Variants in EXOC6 observed in about 807,000 individuals in gnomAD.
EXOC6 encodes the protein SEC15-like 1.
A neutral mutation model predicts 112.5 loss-of-function variants in EXOC6; 60 were observed. The observed-to-expected ratio is 0.53, with a 90% CI of 0.43 to 0.66. The LOEUF is 0.66. EXOC6 is among the 30% of genes least tolerant of loss of function. The pLI, the probability that EXOC6 is intolerant of heterozygous loss-of-function variation, is 0.00. For missense variants in EXOC6, 855 were observed against 957.1 expected, an observed-to-expected ratio of 0.89 and a Z score of 1.41; for synonymous variants, 295 against 308.0, an observed-to-expected ratio of 0.96 and a Z score of 0.44.
At chr10:92,884,200 A>G (rs1849097010) in intron 1 of EXOC6, among the ~76,000 whole-genome samples, 1 of 152,078 alleles carries the variant, frequency 6.6e-6, no homozygotes, top group Admixed American at 6.5e-5. Flanking sequence ...TGCCTGGCCT[A>G]AAGTTTTGTT....
chr10:92,840,485 A>G (rs966379779), intron 1 of EXOC6, among the ~76,000 whole-genome samples: 11 of 152,214 alleles, frequency 7.2e-5, no homozygotes, highest in African/African-American at 2.7e-4. Context: ...ATTATTGTCT[A>G]GTTTCCATTT....
chr10:92,989,760 G>C (rs184140238), intron 18 of EXOC6, among the ~76,000 whole-genome samples: 2 of 152,062 alleles, frequency 1.3e-5, no homozygotes, highest in African/African-American at 4.8e-5. Flanking sequence ...AAAACTGACC[G>C]GCCATCCAAA....
In EXOC6 at chr10:92,854,318, TC is replaced by T. The variant is rs1847494876; in HGVS notation, c.101+5687del. Among the ~76,000 whole-genome samples the T allele has an allele frequency of 4.0e-5, 6 of 151,864 alleles. No individual in the cohort carries two copies. The South Asian group carries it at 1.0e-3, about 26-fold the overall frequency. On this transcript the variant is annotated intron_variant, in intron 1 of 21. Coordinates refer to ENST00000260762, the MANE Select transcript of EXOC6 (RefSeq NM_019053.6). ...TGGGCTTGGTAGCACACGCCTGTAG[TC>T]CCAGCTACTTGGGAGGCTGAGGCAG...
intron 19 of EXOC6, among the ~76,000 whole-genome samples, chr10:93,004,666 C>T (rs1284465536): frequency 6.6e-6 from 1 of 152,032 alleles, no homozygotes; most frequent in Non-Finnish European, 1.5e-5. Flanking sequence ...TTAACCTATA[C>T]TTGGTCAAAG....
chr10:92,998,628 C>CCACACACACACACA (rs55823754), intron 19 of EXOC6, among the ~76,000 whole-genome samples: 22 of 141,444 alleles, frequency 1.6e-4, no homozygotes, highest in African/African-American at 5.4e-4. Context: ...CTGTTGCACA[C>CCACACACACACACA]CACACACACA....
chr10:92,877,998 G>A (rs1436302022), intron 1 of EXOC6: 1 of 154,580 alleles, frequency 6.5e-6, no homozygotes, highest in Admixed American at 6.6e-5. Context: ...CCTATTGCTG[G>A]AATTTTCTAT....
At chr10:93,038,196 G>C (rs1845604466) in intron 20 of EXOC6, among the ~76,000 whole-genome samples, 1 of 151,406 alleles carries the variant, frequency 6.6e-6, no homozygotes. Context: ...TAAATGCACT[G>C]TTTGTTTTAC....
At chr10:92,838,030 A>G (rs368394027) in intron 1 of EXOC6, among the ~76,000 whole-genome samples, 34 of 152,124 alleles carry the variant, frequency 2.2e-4, no homozygotes, top group African/African-American at 7.7e-4. Flanking sequence ...TTGAGGTCAG[A>G]GTTCATATCT....
chr10:92,956,301 A>G (rs1853691859), intron 17 of EXOC6, among the ~76,000 whole-genome samples: 1 of 152,116 alleles, frequency 6.6e-6, no homozygotes, highest in Non-Finnish European at 1.5e-5. Flanking sequence ...TCTAGTGTGT[A>G]TAAATCCCCT....
chr10:92,993,450 A>G (rs1843351811), intron 18 of EXOC6, among the ~76,000 whole-genome samples: 1 of 152,212 alleles, frequency 6.6e-6, no homozygotes, highest in Non-Finnish European at 1.5e-5. Context: ...TCAAATAATT[A>G]CTGTTGAAAT....
chr10:92,945,667 C>T (rs1260459878), intron 13 of EXOC6, among the ~76,000 whole-genome samples: 1 of 152,066 alleles, frequency 6.6e-6, no homozygotes, highest in African/African-American at 2.4e-5. Flanking sequence ...AGTTTATTGT[C>T]TTCTAGTAGT....
rs1423657911 is a variant in EXOC6, at chr10:92,979,005, T to C, written c.1953+4773T>C. Among the ~76,000 whole-genome samples the C allele has an allele frequency of 2.6e-5, 4 of 152,312 alleles. No homozygotes were observed. The East Asian group carries it at 5.8e-4, about 22-fold the overall frequency. The stretch of plus-strand genomic sequence containing the variant: ...CAAATGTGCAAATATTGTCCAATAG[T>C]GCAAAAATTTGGAGATTTTCTGGGA... On this transcript the variant is annotated intron_variant, in intron 18 of 21. Coordinates refer to ENST00000260762, the MANE Select transcript of EXOC6 (RefSeq NM_019053.6).
At chr10:92,880,234 G>A (rs117399409) in intron 1 of EXOC6, among the ~76,000 whole-genome samples, 4 of 152,256 alleles carry the variant, frequency 2.6e-5, no homozygotes, top group Admixed American at 6.5e-5. Context: ...TCTAGATTAC[G>A]TATAATACCT....
At chr10:92,955,465 C>T (rs1853642218) in intron 16 of EXOC6, 115 bp from the exon 17 acceptor site, 1 of 814,590 alleles carries the variant, frequency 1.2e-6, no homozygotes, top group Non-Finnish European at 2.0e-6. Flanking sequence ...TCCTATAATG[C>T]TGCAATTATG....
At chr10:92,955,535 A>G (rs945634639) in intron 16 of EXOC6, 45 bp from the exon 17 acceptor site, 8 of 1,503,560 alleles carry the variant, frequency 5.3e-6, no homozygotes, top group Non-Finnish European at 7.2e-6. Flanking sequence ...GTGATTTTAC[A>G]TACATGTAAC....
At chr10:93,023,592 A>T (rs1554922478) in intron 20 of EXOC6, among the ~76,000 whole-genome samples, 2 of 151,924 alleles carry the variant, frequency 1.3e-5, no homozygotes, top group African/African-American at 2.4e-5. Flanking sequence ...GTTCGTGTAA[A>T]TTTTTTTTAC....
chr10:92,852,036 T>C (rs1293416310), intron 1 of EXOC6, among the ~76,000 whole-genome samples: 1 of 152,156 alleles, frequency 6.6e-6, no homozygotes, highest in African/African-American at 2.4e-5. Flanking sequence ...GCCACTGCAC[T>C]CCAGCCTAGG....
intron 18 of EXOC6, among the ~76,000 whole-genome samples, chr10:92,991,446 A>C (rs576091694): frequency 2.9e-4 from 44 of 151,902 alleles, no homozygotes; most frequent in Middle Eastern, 6.8e-3. Context: ...AAAAAAAAAA[A>C]AAAAAAACAA....
At chr10:92,993,317 G>T (rs1843347225) in intron 18 of EXOC6, among the ~76,000 whole-genome samples, 1 of 152,078 alleles carries the variant, frequency 6.6e-6, no homozygotes, top group African/African-American at 2.4e-5. Flanking sequence ...TATAAATAAA[G>T]AAAAATGGAC....
Sources: gnomAD v4.1 joint callset for allele counts (sites outside exome capture counted in the v4.1 genomes callset) on GRCh38, gnomAD v4.1.1 for gene constraint, MANE v1.5 for transcripts, NCBI Gene and HGNC (gene_info 2026-07-23, HGNC 2026-07-21) for gene names.